The following GRIN2B variants were observed in gnomAD, a reference collection of about 807,000 sequenced individuals.
The protein encoded by GRIN2B is glutamate ionotropic receptor NMDA type subunit 2B, also known as glutamate receptor ionotropic, NMDA 2B.
GRIN2B carries 5 observed loss-of-function variants against 114.5 expected under a neutral mutation model. The observed-to-expected ratio is 0.04, with a 90% confidence interval of 0.02 to 0.09. The LOEUF is 0.09. GRIN2B is among the 10% of genes least tolerant of loss of function. The probability of loss-of-function intolerance (pLI) is 1.00; values close to 1 mark genes in which losing one functional copy is unlikely to be tolerated. For missense variants in GRIN2B, 1,108 were observed against 1,943.5 expected (o/e 0.57, Z 8.08); for synonymous variants, 787 against 745.1 (o/e 1.06, Z -0.92).
chr12:13,717,181 A>T (rs1240142158), intron 4 of GRIN2B, among the ~76,000 whole-genome samples: 1 of 151,522 alleles, frequency 6.6e-6, no homozygotes, highest in African/African-American at 2.4e-5. Context: ...TGAGGTATGG[A>T]CAGTTTTACA....
chr12:13,955,121 T>G (rs981729545), intron 2 of GRIN2B, among the ~76,000 whole-genome samples: 1 of 152,128 alleles, frequency 6.6e-6, no homozygotes, highest in Non-Finnish European at 1.5e-5. Context: ...AAACATCTTT[T>G]AAGATATTTG....
At chr12:13,812,573 T>C (rs536280202) in intron 3 of GRIN2B, among the ~76,000 whole-genome samples, 4 of 152,294 alleles carry the variant, frequency 2.6e-5, no homozygotes, top group Non-Finnish European at 5.9e-5. Context: ...TAAAGAAATA[T>C]TAGTACAATA....
At chr12:13,642,136 C>T (rs1333726389) in intron 5 of GRIN2B, among the ~76,000 whole-genome samples, 2 of 151,898 alleles carry the variant, frequency 1.3e-5, no homozygotes, top group African/African-American at 2.4e-5. Context: ...TGCAGTGAGC[C>T]GAGATCACGC....
chr12:13,780,534 A>G (rs1864089676), intron 3 of GRIN2B, among the ~76,000 whole-genome samples: 8 of 152,244 alleles, frequency 5.3e-5, no homozygotes, highest in Admixed American at 5.2e-4. Context: ...ACAGTCTTGT[A>G]GATTCCAAAA....
At chr12:13,780,815 T>C (rs190313736) in intron 3 of GRIN2B, among the ~76,000 whole-genome samples, 531 of 149,482 alleles carry the variant, frequency 3.6e-3, no homozygotes, top group Middle Eastern at 6.8e-3. Context: ...AGAAAAGGTA[T>C]TGTAAGGGCA....
At chr12:13,668,696 A>G (rs1173454405) in intron 5 of GRIN2B, among the ~76,000 whole-genome samples, 2 of 152,130 alleles carry the variant, frequency 1.3e-5, no homozygotes, top group East Asian at 1.9e-4. Context: ...ACTAATGAAC[A>G]TCAACCCAAT....
At chr12:13,781,616 C>T (rs1864115259) in intron 3 of GRIN2B, among the ~76,000 whole-genome samples, 1 of 152,190 alleles carries the variant, frequency 6.6e-6, no homozygotes, top group Admixed American at 6.5e-5. Context: ...TACTCAGACA[C>T]TGCCTGAGAT....
In GRIN2B at chr12:13,943,962, T is replaced by C. The variant is rs118038596; in HGVS notation, c.-19+35966A>G. 8.1e-3 allele frequency among the ~76,000 whole-genome samples: 1,236 copies of C among 152,328 alleles called. 4 individuals carry two copies. The highest frequency in any genetic ancestry group is 0.02 in the Middle Eastern group (6 of 294). The stretch of plus-strand genomic sequence containing the variant: ...CACTAGAACAGTTCATGGCACATAG[T>C]AGACGCTCAATAAGTATCTACTGAA... On this transcript the variant is annotated intron_variant, in intron 2 of 13. Coordinates refer to ENST00000609686, the MANE Select transcript of GRIN2B (RefSeq NM_000834.5).
intron 5 of GRIN2B, among the ~76,000 whole-genome samples, chr12:13,650,655 C>A (rs1949804827): frequency 6.6e-6 from 1 of 152,068 alleles, no homozygotes; most frequent in African/African-American, 2.4e-5. Context: ...CCTAATCCAT[C>A]TTCTCAATGA....
Position 13,753,847 on chromosome 12 carries a change from G to A in GRIN2B, c.480C>T (p.Ile160=). The change falls in exon 4 of 14, where the codon ATC becomes ATT. Residue 160 remains isoleucine, a synonymous_variant. Coordinates refer to ENST00000609686, the MANE Select transcript of GRIN2B (RefSeq NM_000834.5). This position sits in a 1 kb window ranked among gnomAD's most constrained non-coding sequence, Gnocchi z 6.2. ...AGATGTACCAGTCATATTCTTCCATGATGTTGAGCATTACGGAAGCTTGCT... is the reference window on the plus strand; with the variant it reads ...AGATGTACCAGTCATATTCTTCCATAATGTTGAGCATTACGGAAGCTTGCT... The part of the protein sequence containing the change: ...IEQQASVMLN[I]MEEYDWYIFS... 6.2e-7 allele frequency: 1 copy of A among 1,613,676 alleles called. No homozygotes were observed. Among genetic ancestry groups the A allele is most frequent in the Non-Finnish European group, 8.5e-7 (1 of 1,179,738 alleles).
chr12:13,650,984 A>G (rs1949806863), intron 5 of GRIN2B, among the ~76,000 whole-genome samples: 1 of 152,102 alleles, frequency 6.6e-6, no homozygotes, highest in Non-Finnish European at 1.5e-5. Context: ...GTTAGAGAAT[A>G]CCATTTAACC....
At chr12:13,607,439 AT>A (rs1230547428) in intron 10 of GRIN2B, among the ~76,000 whole-genome samples, 1 of 91,918 alleles carries the variant, frequency 1.1e-5, no homozygotes, top group Admixed American at 1.9e-4. Flanking sequence ...TATAATATAT[AT>A]TATATATAAT....
chr12:13,709,071 T>C (rs1433676167), intron 4 of GRIN2B, among the ~76,000 whole-genome samples: 1 of 152,032 alleles, frequency 6.6e-6, no homozygotes, highest in Non-Finnish European at 1.5e-5. Flanking sequence ...AGTGAACACA[T>C]GCCAATTTTT....
rs568236839 is a variant in GRIN2B at position 13,617,321 on chromosome 12, G to A, written c.1126-664C>T. Among the ~76,000 whole-genome samples the A allele has an allele frequency of 3.5e-4, 53 of 152,364 alleles. 1 individual carries two copies. In the South Asian group the frequency reaches 0.011, roughly 31 times the overall value. The stretch of plus-strand genomic sequence containing the variant: ...TGCAGATGTGCACCTCCTGGGCTGG[G>A]TGGAAGCCCTGGGATGAATCAGATA... On this transcript the variant is annotated intron_variant, in intron 5 of 13. Transcript: ENST00000609686.
chr12:13,636,483 CA>C (rs1455266354), intron 5 of GRIN2B, among the ~76,000 whole-genome samples: 1 of 152,120 alleles, frequency 6.6e-6, no homozygotes, highest in Non-Finnish European at 1.5e-5. Context: ...AGAGTGGATG[CA>C]AAAGACAAGG....
chr12:13,718,186 T>C lies in GRIN2B; in HGVS notation c.1010+35131A>G, dbSNP rs548265887. ...CTTTTCTCTAACCTGGAGCATGCTT[T>C]GGCTGCTGCAGCTCCCATGTAATTC... On this transcript the variant is annotated intron_variant, in intron 4 of 13. Coordinates refer to ENST00000609686, the MANE Select transcript of GRIN2B (RefSeq NM_000834.5). 2.6e-5 allele frequency among the ~76,000 whole-genome samples: 4 copies of C among 152,176 alleles called. No homozygotes were observed. In the South Asian group the frequency reaches 8.3e-4, roughly 32 times the overall value.
Position 13,681,047 on chromosome 12 carries a change from C to T in GRIN2B, c.1011-5188G>A, listed in dbSNP as rs1186246998. 4.5e-4 allele frequency among the ~76,000 whole-genome samples: 69 copies of T among 152,076 alleles called. 1 individual carries two copies. The highest frequency in any genetic ancestry group is 8.8e-5 in the Non-Finnish European group (6 of 68,010). ...GACTCTGGCCATGCCACTCCAAGCT[C>T]ATCTACTGCACCACGTTGATACCCA... On this transcript the variant is annotated intron_variant, in intron 4 of 13. Coordinates refer to ENST00000609686, the MANE Select transcript of GRIN2B (RefSeq NM_000834.5).
At chr12:13,719,859 A>C (rs191631977) in intron 4 of GRIN2B, among the ~76,000 whole-genome samples, 1 of 152,162 alleles carries the variant, frequency 6.6e-6, no homozygotes, top group Non-Finnish European at 1.5e-5. Context: ...TGTCCATTAA[A>C]ATTCTGGAGC....
intron 5 of GRIN2B, among the ~76,000 whole-genome samples, chr12:13,633,107 T>A (rs1370671988): frequency 5.3e-5 from 8 of 152,206 alleles, no homozygotes; most frequent in Non-Finnish European, 1.2e-4. Context: ...GGAAGTCACA[T>A]AAAGTCACTC....
Sources: allele counts gnomAD v4.1 joint callset (sites outside exome capture counted in the v4.1 genomes callset), GRCh38; gene constraint gnomAD v4.1.1; non-coding constraint Gnocchi (gnomAD v3.1); transcripts MANE v1.5; gene names NCBI Gene and HGNC (gene_info 2026-07-23, HGNC 2026-07-21).